The following SLC25A16 variants were observed in gnomAD, a reference collection of about 807,000 sequenced individuals.
SLC25A16 encodes solute carrier family 25 member 16, also known as mitochondrial coenzyme A transporter SLC25A16.
A neutral mutation model predicts 41.5 loss-of-function variants in SLC25A16; 39 were observed. The observed-to-expected ratio is 0.94, with a 90% confidence interval of 0.73 to 1.23. The LOEUF is 1.23. Ranked by LOEUF, SLC25A16 falls within the 50% of genes most tolerant of loss-of-function variation. The pLI is 0.00. For missense variants in SLC25A16, 421 were observed against 426.9 expected, an observed-to-expected ratio of 0.99 and a Z score of 0.12; for synonymous variants, 146 against 147.8, an observed-to-expected ratio of 0.99 and a Z score of 0.09.
chr10:68,517,195 T>C (rs980255622), intron 1 of SLC25A16: 76 of 1,001,936 alleles, frequency 7.6e-5, no homozygotes, highest in Non-Finnish European at 9.0e-5. Flanking sequence ...TCTGGAACAT[T>C]TTTACGGAGA....
At chr10:68,491,814 C>A (rs12773696) in intron 6 of SLC25A16, among the ~76,000 whole-genome samples, 235 of 152,034 alleles carry the variant, frequency 1.5e-3, no homozygotes, top group Non-Finnish European at 2.8e-3. Context: ...TGCTTGCTTG[C>A]TTGATTGATT....
intron 4 of SLC25A16, among the ~76,000 whole-genome samples, chr10:68,502,974 GGAGAGGAGAGGGAAGAGGA>G (rs2052882227): frequency 6.9e-6 from 1 of 144,438 alleles, no homozygotes; most frequent in Non-Finnish European, 1.5e-5. Context: ...AAAGGAGAGT[GGAGAGGAGAGGGAAGAGGA>G]GAGAGAAGAG....
intron 3 of SLC25A16, among the ~76,000 whole-genome samples, chr10:68,504,671 C>A (rs9415902): frequency 0.078 from 11,721 of 151,118 alleles, 671 homozygotes; most frequent in African/African-American, 0.16. Flanking sequence ...AGCCACCGCA[C>A]CCGGCCTTGT....
chr10:68,483,680 G>C, intron 8 of SLC25A16, 92 bp from the exon 9 acceptor site: 1 of 1,096,984 alleles, frequency 9.1e-7, no homozygotes, highest in Admixed American at 2.5e-5. Context: ...TTTTGAGATG[G>C]ACTCTTGCTC....
At chr10:68,489,571 C>T (rs2052622438) in intron 6 of SLC25A16, among the ~76,000 whole-genome samples, 1 of 151,920 alleles carries the variant, frequency 6.6e-6, no homozygotes, top group Non-Finnish European at 1.5e-5. Flanking sequence ...GAAATTCAAG[C>T]GTTCCTCCCA....
chr10:68,495,820 G>A (rs906781175), intron 4 of SLC25A16, among the ~76,000 whole-genome samples: 44 of 138,262 alleles, frequency 3.2e-4, no homozygotes, highest in South Asian at 1.9e-3. Flanking sequence ...AGTATAAACT[G>A]TAGAGTGCAC....
intron 2 of SLC25A16, among the ~76,000 whole-genome samples, chr10:68,511,483 T>C (rs149611939): frequency 6.6e-6 from 1 of 152,062 alleles, no homozygotes; most frequent in Non-Finnish European, 1.5e-5. Flanking sequence ...AACCTAATGA[T>C]TGCAAATCAG....
rs185554769 is a variant in SLC25A16, at chr10:68,494,216, G to A, written c.422-646C>T. ...GTGGTGGCTCACGCCTGTAATCCCA[G>A]CACTTTGGGAGGCCGAGGCAGGTGG... is the stretch of plus-strand genomic sequence containing the variant. On this transcript the variant is annotated intron_variant, in intron 4 of 8. Transcript: ENST00000609923. Among the ~76,000 whole-genome samples the A allele has an allele frequency of 3.1e-3, 478 of 152,160 alleles. 10 individuals are homozygous for A. Among genetic ancestry groups the A allele is most frequent in the Admixed American group, 0.028 (429 of 15,262 alleles).
intron 5 of SLC25A16, 93 bp from the exon 6 acceptor site, chr10:68,493,291 T>C: frequency 2.6e-6 from 3 of 1,138,804 alleles, no homozygotes; most frequent in Non-Finnish European, 3.9e-6. Flanking sequence ...AGAAAAATTA[T>C]TCAGGGATCC....
chr10:68,512,454 G>A lies in SLC25A16; in HGVS notation c.223+4297C>T, dbSNP rs1361579975. ...AGATCGAGACCATCCCGGCTAAAAC[G>A]GTGAAACCCCGTCTCTACTAAAAAA... is the stretch of plus-strand genomic sequence containing the variant. On this transcript the variant is annotated intron_variant, in intron 2 of 8. Transcript: ENST00000609923. Among the ~76,000 whole-genome samples the A allele has an allele frequency of 2.3e-5, 3 of 132,408 alleles. 1 individual carries two copies. Among genetic ancestry groups the A allele is most frequent in the East Asian group, 2.2e-4 (1 of 4,632 alleles). The allele number at this position is 132,408 out of a possible 152,430, so 86.9% of individuals were successfully genotyped here.
chr10:68,527,453 G>A lies in SLC25A16; in HGVS notation c.-78C>T, dbSNP rs971806403. 2.2e-6 allele frequency: 3 copies of A among 1,356,360 alleles called. No individual in the cohort carries two copies. The highest frequency in any genetic ancestry group is 3.1e-5 in the African/African-American group (2 of 64,450). 84.0% of individuals were successfully genotyped at this position (1,356,360 alleles called of 1,614,324 possible). A position where few individuals can be genotyped will look rare whatever the true frequency, so the allele number is the denominator to read the frequency against. On this transcript the variant is annotated 5_prime_UTR_variant, in exon 1 of 9. Transcript: ENST00000609923. ...CGGGACCATAGCCGGAACAGGCGGT[G>A]ACAGGAGGCTGACCGCCCCGCCGGC...
In SLC25A16 at chr10:68,512,433, C is replaced by G. The variant is rs1008120445; in HGVS notation, c.223+4318G>C. 9.9e-5 allele frequency among the ~76,000 whole-genome samples: 9 copies of G among 90,856 alleles called. 1 individual carries two copies. Among genetic ancestry groups the G allele is most frequent in the Non-Finnish European group, 1.7e-4 (8 of 46,178 alleles). 59.6% of individuals were successfully genotyped at this position (90,856 alleles called of 152,430 possible). On this transcript the variant is annotated intron_variant, in intron 2 of 8. Transcript: ENST00000609923. ...CGGGCGGATCACGAGGTCAGGAGAT[C>G]GAGACCATCCCGGCTAAAACGGTGA...
Position 68,506,026 on chromosome 10 carries a change from C to T in SLC25A16, c.357+559G>A, listed in dbSNP as rs181800319. Among the ~76,000 whole-genome samples, 598 of 151,700 alleles carry T rather than the reference C, an allele frequency of 3.9e-3. 8 individuals are homozygous for T. The highest frequency in any genetic ancestry group is 0.014 in the African/African-American group (577 of 41,338). On this transcript the variant is annotated intron_variant, in intron 3 of 8. Transcript: ENST00000609923. ...CAGCCTGGGCAACAGAGTGAGACTC[C>T]ATCTCAAAAAATAAAATTAAATAAA...
Position 68,481,696 on chromosome 10 carries a change from C to T in SLC25A16, c.*1736G>A, listed in dbSNP as rs1317506559. ...TGGTGTGATCTCAGCTCACTGCAAC[C>T]TCCGCTTCCCGAGCTCAAGCAATTC... is the stretch of plus-strand genomic sequence containing the variant. On this transcript the variant is annotated 3_prime_UTR_variant, in exon 9 of 9. Transcript: ENST00000609923. 6.6e-6 allele frequency: 1 copy of T among 152,234 alleles called. No individual in the cohort carries two copies. The highest frequency in any genetic ancestry group is 1.5e-5 in the Non-Finnish European group (1 of 68,096). 9.4% of individuals were successfully genotyped at this position (152,234 alleles called of 1,614,324 possible). A position where few individuals can be genotyped will look rare whatever the true frequency, so the allele number is the denominator to read the frequency against.
At chr10:68,523,441 G>C (rs1344266167) in intron 1 of SLC25A16, among the ~76,000 whole-genome samples, 1 of 151,930 alleles carries the variant, frequency 6.6e-6, no homozygotes, top group Non-Finnish European at 1.5e-5. Context: ...GAGGCACATA[G>C]TTGGAACTCG....
chr10:68,520,038 C>T (rs1462259661), intron 1 of SLC25A16, among the ~76,000 whole-genome samples: 1 of 150,164 alleles, frequency 6.7e-6, no homozygotes, highest in Non-Finnish European at 1.5e-5. Context: ...ACAACCTTCA[C>T]CTCCCAGGTT....
rs1366473863 is a variant in SLC25A16 at position 68,493,060 on chromosome 10, T to C, written c.610+72A>G. On this transcript the variant is annotated intron_variant, in intron 6 of 8. Transcript: ENST00000609923. ...CAGATAACATCTTTTTATATTACCA[T>C]TTCAGAAAAAAAAAAAAAAGGTAAC... 8.2e-6 allele frequency: 7 copies of C among 850,094 alleles called. No individual in the cohort carries two copies. The East Asian group carries it at 1.5e-4, about 18-fold the overall frequency. The allele number at this position is 850,094 out of a possible 1,614,324, so 52.7% of individuals were successfully genotyped here. A position where few individuals can be genotyped will look rare whatever the true frequency, so the allele number is the denominator to read the frequency against.
At chr10:68,492,886 CGTAA>C (rs763488573) in intron 6 of SLC25A16, among the ~76,000 whole-genome samples, 11 of 151,880 alleles carry the variant, frequency 7.2e-5, no homozygotes, top group Admixed American at 1.3e-4. Flanking sequence ...CATCATCTAA[CGTAA>C]GTGTGTGTTA....
chr10:68,509,702 CAA>C (rs147491161), intron 2 of SLC25A16, among the ~76,000 whole-genome samples: 1 of 138,920 alleles, frequency 7.2e-6, no homozygotes, highest in Non-Finnish European at 1.6e-5. Context: ...GACCATGTCT[CAA>C]AAAAAAAAAT....
Sources: allele counts gnomAD v4.1 joint callset (sites outside exome capture counted in the v4.1 genomes callset), GRCh38; gene constraint gnomAD v4.1.1; transcripts MANE v1.5; gene names NCBI Gene and HGNC (gene_info 2026-07-23, HGNC 2026-07-21).